PAPSS2: variants seen among roughly 807,000 people sequenced by gnomAD.
The protein encoded by PAPSS2 is bifunctional 3'-phosphoadenosine 5'-phosphosulfate synthase 2.
A neutral mutation model predicts 66.5 loss-of-function variants in PAPSS2; 61 were observed. The observed-to-expected ratio is 0.92, with a 90% CI of 0.75 to 1.14. PAPSS2 has a LOEUF of 1.14. PAPSS2 is among the 50% of genes most tolerant of loss of function. The pLI, the probability that PAPSS2 is intolerant of heterozygous loss-of-function variation, is 0.00. For synonymous variants in PAPSS2, 289 were observed against 287.5 expected (o/e 1.01, Z -0.05); for missense variants, 708 against 789.6 (o/e 0.90, Z 1.24).
Position 87,746,654 on chromosome 10 carries a change from CT to C in PAPSS2, c.*685del, listed in dbSNP as rs1360799280. ...TTAATGGCCTCTGTGAATAATGTAA[CT>C]CCAGTTACACGGTGACTTTTAATAG... On this transcript the variant is annotated 3_prime_UTR_variant, in exon 13 of 13. Coordinates refer to ENST00000456849, the MANE Select transcript of PAPSS2 (RefSeq NM_001015880.2). The C allele has an allele frequency of 6.6e-6, 1 of 152,180 alleles. No individual in the cohort carries two copies. Among genetic ancestry groups the C allele is most frequent in the Non-Finnish European group, 1.5e-5 (1 of 68,050 alleles). The allele number at this position is 152,180 out of a possible 1,614,324, so 9.4% of individuals were successfully genotyped here. A position where few individuals can be genotyped will look rare whatever the true frequency, so the allele number is the denominator to read the frequency against.
intron 1 of PAPSS2, among the ~76,000 whole-genome samples, chr10:87,707,952 C>CTTA (rs1853413546): frequency 6.6e-6 from 1 of 152,160 alleles, no homozygotes; most frequent in South Asian, 2.1e-4. Flanking sequence ...ATTTAAAAGG[C>CTTA]TCATAGATTT....
At chr10:87,666,915 G>A (rs1469756646) in intron 1 of PAPSS2, among the ~76,000 whole-genome samples, 1 of 152,010 alleles carries the variant, frequency 6.6e-6, no homozygotes, top group African/African-American at 2.4e-5. Context: ...CACATCCAAT[G>A]CCCTCTGCTT....
At chr10:87,724,666 A>ATTAT (rs58647696) in intron 8 of PAPSS2, among the ~76,000 whole-genome samples, 75,767 of 146,596 alleles carry the variant, frequency 0.52, 20,738 homozygotes, top group East Asian at 0.71. Flanking sequence ...ATTTTAATAA[A>ATTAT]TTATTTATTA....
intron 1 of PAPSS2, among the ~76,000 whole-genome samples, chr10:87,694,303 G>A (rs1853206024): frequency 1.3e-5 from 2 of 152,224 alleles, no homozygotes; most frequent in South Asian, 4.1e-4. Flanking sequence ...GGCCCCTTCT[G>A]TGTGGGGTTG....
intron 1 of PAPSS2, chr10:87,703,979 T>C: frequency 2.0e-6 from 1 of 487,984 alleles, no homozygotes; most frequent in Non-Finnish European, 4.0e-6. Context: ...AGTCACTTTC[T>C]TTCCAAAGCT....
intron 10 of PAPSS2, 48 bp from the exon 11 acceptor site, chr10:87,743,325 G>C: frequency 1.9e-6 from 3 of 1,590,082 alleles, no homozygotes; most frequent in Non-Finnish European, 2.6e-6. Flanking sequence ...GTGGAGAAAT[G>C]ACACCATGTG....
At chr10:87,701,404 TTCTCTC>T (rs60115570) in intron 1 of PAPSS2, among the ~76,000 whole-genome samples, 15 of 57,882 alleles carry the variant, frequency 2.6e-4, no homozygotes, top group Admixed American at 7.2e-4. Flanking sequence ...TTCTCTTTCT[TTCTCTC>T]TCTCTCTCTC....
intron 1 of PAPSS2, among the ~76,000 whole-genome samples, chr10:87,686,539 T>G (rs914051063): frequency 6.6e-6 from 1 of 152,088 alleles, no homozygotes; most frequent in African/African-American, 2.4e-5. Context: ...TTCAGCCACC[T>G]CCTAGCCAGT....
At chr10:87,717,913 C>T (rs539598304) in intron 7 of PAPSS2, among the ~76,000 whole-genome samples, 1 of 152,318 alleles carries the variant, frequency 6.6e-6, no homozygotes, top group African/African-American at 2.4e-5. Flanking sequence ...TGAAGAACAG[C>T]TAATGCAGAT....
At chr10:87,704,954 T>C (rs1460195176) in intron 1 of PAPSS2, among the ~76,000 whole-genome samples, 1 of 152,216 alleles carries the variant, frequency 6.6e-6, no homozygotes, top group Non-Finnish European at 1.5e-5. Context: ...GTTTGCTTAC[T>C]TTTCAAAACA....
At chr10:87,705,491 C>A (rs1043046009) in intron 1 of PAPSS2, among the ~76,000 whole-genome samples, 1 of 152,060 alleles carries the variant, frequency 6.6e-6, no homozygotes, top group Non-Finnish European at 1.5e-5. Context: ...ATGTAAATGT[C>A]AGGGTTTTTT....
intron 1 of PAPSS2, among the ~76,000 whole-genome samples, chr10:87,695,627 T>C (rs1338957585): frequency 2.0e-5 from 3 of 152,138 alleles, no homozygotes; most frequent in Non-Finnish European, 4.4e-5. Flanking sequence ...AACCAAGACA[T>C]GAAGGGTCTA....
chr10:87,744,864 C>A, intron 11 of PAPSS2, 138 bp from the exon 12 acceptor site: 1 of 739,658 alleles, frequency 1.4e-6, no homozygotes, highest in South Asian at 1.5e-5. Context: ...AGTCTTAGAA[C>A]CTCAGTGATT....
chr10:87,704,017 A>G (rs2131925844), intron 1 of PAPSS2: 1 of 504,460 alleles, frequency 2.0e-6, no homozygotes. Context: ...TTTGGCAGAG[A>G]GTACAGCTTT....
In PAPSS2 at chr10:87,720,135, C is replaced by G. The variant is rs191759084; in HGVS notation, c.866-1621C>G. ...TCCTGACCTCAAGTGATCCACCTGC[C>G]TCAGCCTCCTAAAGTGCTAGGATTA... On this transcript the variant is annotated intron_variant, in intron 7 of 12. Transcript: ENST00000456849. 3.4e-3 allele frequency among the ~76,000 whole-genome samples: 512 copies of G among 152,342 alleles called. 1 individual carries two copies. Among genetic ancestry groups the G allele is most frequent in the Admixed American group, 4.4e-3 (67 of 15,302 alleles).
chr10:87,711,655 C>A (rs1017452424), intron 2 of PAPSS2, among the ~76,000 whole-genome samples: 1 of 152,212 alleles, frequency 6.6e-6, no homozygotes, highest in Non-Finnish European at 1.5e-5. Flanking sequence ...ACAGCCATTT[C>A]TTCTAATGGT....
At chr10:87,673,578 A>ATGTGTG (rs35768490) in intron 1 of PAPSS2, among the ~76,000 whole-genome samples, 2,516 of 148,168 alleles carry the variant, frequency 0.017, 87 homozygotes, top group African/African-American at 0.058. Context: ...GTATGTATTC[A>ATGTGTG]TGTGTGTGTG....
intron 1 of PAPSS2, among the ~76,000 whole-genome samples, chr10:87,671,144 G>A (rs1852872673): frequency 6.6e-6 from 1 of 152,102 alleles, no homozygotes; most frequent in African/African-American, 2.4e-5. Flanking sequence ...AAGTGGCAGA[G>A]CTGGAACACA....
intron 9 of PAPSS2, among the ~76,000 whole-genome samples, chr10:87,736,480 C>T (rs1853803167): frequency 6.6e-6 from 1 of 151,944 alleles, no homozygotes. Context: ...ATTGGCCAGG[C>T]TGGTCTTGAA....
Sources: gnomAD v4.1 joint callset for allele counts (sites outside exome capture counted in the v4.1 genomes callset) on GRCh38, gnomAD v4.1.1 for gene constraint, MANE v1.5 for transcripts, NCBI Gene and HGNC (gene_info 2026-07-23, HGNC 2026-07-21) for gene names.